The following SNX30 variants were observed in gnomAD, a reference collection of about 807,000 sequenced individuals.
SNX30 encodes the protein sorting nexin-30.
Under a neutral mutation model 46.4 loss-of-function variants are expected in SNX30, and 24 were observed. The observed-to-expected ratio is 0.52, with a 90% confidence interval of 0.37 to 0.73. The LOEUF (loss-of-function observed/expected upper bound fraction) is 0.73, where lower values mean the gene tolerates loss of function less well. SNX30 is among the 30% of genes least tolerant of loss of function. The pLI, the probability that SNX30 is intolerant of heterozygous loss-of-function variation, is 0.00. For missense variants in SNX30, 533 were observed against 555.7 expected (o/e 0.96, Z 0.41); for synonymous variants, 189 against 211.5 (o/e 0.89, Z 0.92).
chr9:112,753,787 A>G (rs1448215588), intron 1 of SNX30, among the ~76,000 whole-genome samples: 1 of 152,258 alleles, frequency 6.6e-6, no homozygotes, highest in Non-Finnish European at 1.5e-5. Flanking sequence ...CTTAGAGGCT[A>G]AGCATTGTAA....
chr9:112,824,129 C>A (rs982616210), intron 3 of SNX30, among the ~76,000 whole-genome samples: 1 of 152,160 alleles, frequency 6.6e-6, no homozygotes, highest in Non-Finnish European at 1.5e-5. Context: ...AAAGATTTGT[C>A]TAGATTTCCT....
intron 7 of SNX30, among the ~76,000 whole-genome samples, chr9:112,854,587 C>G (rs1841090318): frequency 6.6e-6 from 1 of 152,190 alleles, no homozygotes. Flanking sequence ...GCTTCTTTAG[C>G]AATTGTGATT....
intron 7 of SNX30, among the ~76,000 whole-genome samples, chr9:112,860,541 G>A (rs1048728211): frequency 4.6e-5 from 7 of 152,178 alleles, no homozygotes; most frequent in Admixed American, 4.6e-4. Context: ...TGGGCAGCCA[G>A]TTGCCAAATC....
chr9:112,769,185 G>T (rs77899744), intron 1 of SNX30, among the ~76,000 whole-genome samples: 4,125 of 152,248 alleles, frequency 0.027, 187 homozygotes, highest in African/African-American at 0.091. Flanking sequence ...TTTTCTGTTT[G>T]TGTCTGTCCT....
In SNX30 at chr9:112,768,649, T is replaced by TCTTCTTCTTC. The variant is rs57756894; in HGVS notation, c.156+17492_156+17493insCTTCTTCTTC. Among the ~76,000 whole-genome samples the TCTTCTTCTTC allele has an allele frequency of 5.1e-4, 48 of 93,948 alleles. 6 individuals are homozygous for TCTTCTTCTTC. The highest frequency in any genetic ancestry group is 2.0e-3 in the African/African-American group (47 of 22,956). 61.6% of individuals were successfully genotyped at this position (93,948 alleles called of 152,430 possible). A position where few individuals can be genotyped will look rare whatever the true frequency, so the allele number is the denominator to read the frequency against. ...GTTTCTCTAGATAATTCTTTCTTCT[T>TCTTCTTCTTC]TTTTTTTTTTTTTTTTTTTTTTTTT... On this transcript the variant is annotated intron_variant, in intron 1 of 8. Coordinates refer to ENST00000374232, the MANE Select transcript of SNX30 (RefSeq NM_001012994.2).
rs1480139120 is a variant in SNX30, at chr9:112,869,811, C to A, written c.*968C>A. On this transcript the variant is annotated 3_prime_UTR_variant, in exon 9 of 9. Transcript: ENST00000374232. ...ATTTGCCTTTACCTCACCAAAAATACCTACTTTAATATTTCCTCCTGTGTC... is the reference window on the plus strand; with the variant it reads ...ATTTGCCTTTACCTCACCAAAAATAACTACTTTAATATTTCCTCCTGTGTC... The A allele has an allele frequency of 2.6e-5, 4 of 152,134 alleles. No homozygotes were observed. Among genetic ancestry groups the A allele is most frequent in the African/African-American group, 7.2e-5 (3 of 41,430 alleles). 9.4% of individuals were successfully genotyped at this position (152,134 alleles called of 1,614,324 possible).
intron 1 of SNX30, among the ~76,000 whole-genome samples, chr9:112,770,093 C>T (rs1307377291): frequency 1.3e-5 from 2 of 152,118 alleles, no homozygotes; most frequent in African/African-American, 4.8e-5. Flanking sequence ...AGTCATATAT[C>T]CAGGCAGCAA....
intron 1 of SNX30, among the ~76,000 whole-genome samples, chr9:112,762,120 A>G (rs1249238663): frequency 6.6e-6 from 1 of 152,204 alleles, no homozygotes; most frequent in African/African-American, 2.4e-5. Flanking sequence ...TTTGTTTACT[A>G]GACATTAGAG....
At chr9:112,833,791 T>C (rs1052635330) in intron 4 of SNX30, among the ~76,000 whole-genome samples, 3 of 152,202 alleles carry the variant, frequency 2.0e-5, no homozygotes, top group Non-Finnish European at 4.4e-5. Flanking sequence ...GCTTCAGTTA[T>C]AGTCTTGTGA....
chr9:112,859,928 C>G (rs1841201308), intron 7 of SNX30, among the ~76,000 whole-genome samples: 1 of 151,214 alleles, frequency 6.6e-6, no homozygotes, highest in Non-Finnish European at 1.5e-5. Context: ...TTTTCATGTC[C>G]TTGTTGACTG....
intron 3 of SNX30, among the ~76,000 whole-genome samples, chr9:112,818,071 C>A (rs1840430500): frequency 6.6e-6 from 1 of 152,166 alleles, no homozygotes; most frequent in South Asian, 2.1e-4. Context: ...TCCATTGCCA[C>A]AGTTTTTCAT....
At chr9:112,784,221 TAC>T (rs1324655943) in intron 1 of SNX30, among the ~76,000 whole-genome samples, 12 of 152,162 alleles carry the variant, frequency 7.9e-5, no homozygotes, top group African/African-American at 2.9e-4. Context: ...GGTCAGGTAC[TAC>T]TGGGAGAGGG....
At chr9:112,796,747 T>C (rs1177813160) in intron 1 of SNX30, among the ~76,000 whole-genome samples, 1 of 152,164 alleles carries the variant, frequency 6.6e-6, no homozygotes. Context: ...CTGTGTACTT[T>C]CCATTACCCC....
In SNX30 at chr9:112,874,618, TAAAA is replaced by T. The variant is rs1169764540; in HGVS notation, c.*5779_*5782del. Reference sequence around the variant, plus strand: ...CATTATGCCAAAACAAAAGCTGTGATAAAAAAAGTGCTTGAGAGAGTGTGTTGAT... The same window carrying T: ...CATTATGCCAAAACAAAAGCTGTGATAAAGTGCTTGAGAGAGTGTGTTGAT... On this transcript the variant is annotated 3_prime_UTR_variant, in exon 9 of 9. Coordinates refer to ENST00000374232, the MANE Select transcript of SNX30 (RefSeq NM_001012994.2). The T allele has an allele frequency of 1.3e-5, 2 of 152,174 alleles. No individual in the cohort carries two copies. The highest frequency in any genetic ancestry group is 2.9e-5 in the Non-Finnish European group (2 of 68,024). The allele number at this position is 152,174 out of a possible 1,614,324, so 9.4% of individuals were successfully genotyped here.
chr9:112,859,135 C>G (rs4375077), intron 7 of SNX30, among the ~76,000 whole-genome samples: 1 of 152,096 alleles, frequency 6.6e-6, no homozygotes, highest in African/African-American at 2.4e-5. Context: ...CTTTCTGTCT[C>G]TATGACTTTG....
intron 3 of SNX30, among the ~76,000 whole-genome samples, chr9:112,825,377 C>T (rs1382014869): frequency 6.6e-6 from 1 of 152,162 alleles, no homozygotes; most frequent in African/African-American, 2.4e-5. Flanking sequence ...TTACTGCAGC[C>T]TCCAACTCCT....
At chr9:112,866,314 C>T (rs1841342683) in intron 8 of SNX30, among the ~76,000 whole-genome samples, 1 of 152,112 alleles carries the variant, frequency 6.6e-6, no homozygotes, top group African/African-American at 2.4e-5. Flanking sequence ...AAAGGCCAGT[C>T]TGAGGAAATG....
chr9:112,806,953 C>G (rs921725406), intron 2 of SNX30, among the ~76,000 whole-genome samples: 1 of 151,404 alleles, frequency 6.6e-6, no homozygotes, highest in Non-Finnish European at 1.5e-5. Context: ...CTCTTTCAAT[C>G]TCTGTCTAAT....
chr9:112,834,313 C>T (rs1231793062), intron 4 of SNX30, among the ~76,000 whole-genome samples: 5 of 152,140 alleles, frequency 3.3e-5, no homozygotes, highest in East Asian at 1.9e-4. Flanking sequence ...TTCCAGATCT[C>T]GGACCTTAAG....
Sources: gnomAD v4.1 joint callset for allele counts (sites outside exome capture counted in the v4.1 genomes callset) on GRCh38, gnomAD v4.1.1 for gene constraint, MANE v1.5 for transcripts, NCBI Gene and HGNC (gene_info 2026-07-23, HGNC 2026-07-21) for gene names.